PGAP1: variants seen among roughly 807,000 people sequenced by gnomAD.
PGAP1 encodes post-GPI attachment to proteins inositol deacylase 1.
In PGAP1, 76 loss-of-function variants were observed where a neutral mutation model predicts 127.0. That is an observed-to-expected ratio of 0.60 (90% CI 0.50 to 0.72). The LOEUF is 0.72. PGAP1 is among the 30% of genes least tolerant of loss of function. PGAP1 has a pLI of 0.00. For missense variants in PGAP1, 982 were observed against 1,071.3 expected (o/e 0.92, Z 1.16); for synonymous variants, 362 against 366.5 (o/e 0.99, Z 0.14).
intron 5 of PGAP1, 111 bp downstream of exon 5, chr2:196,902,474 C>A: frequency 1.1e-6 from 1 of 884,600 alleles, no homozygotes; most frequent in Admixed American, 2.8e-5. Flanking sequence ...CACAGCAGTC[C>A]AACACCACTA....
At chr2:196,872,935 A>G (rs755622182) in intron 17 of PGAP1, 25 bp downstream of exon 17, 1 of 816,806 alleles carries the variant, frequency 1.2e-6, no homozygotes, top group Non-Finnish European at 2.0e-6. Flanking sequence ...ACCAAAGTTT[A>G]AAGTAAATTC....
rs185580414 is a variant in PGAP1, at chr2:196,882,011, G to C, written c.1273-1858C>G. 3.3e-5 allele frequency among the ~76,000 whole-genome samples: 5 copies of C among 152,222 alleles called. No homozygotes were observed. In the East Asian group the frequency reaches 9.6e-4, roughly 29 times the overall value. ...TTTACACTTGTTTTTAATCCATCCTGAGTTAATTTTTGTATATGGTGTAAA... is the reference window on the plus strand; with the variant it reads ...TTTACACTTGTTTTTAATCCATCCTCAGTTAATTTTTGTATATGGTGTAAA... On this transcript the variant is annotated intron_variant, in intron 12 of 26. Transcript: ENST00000354764.
At chr2:196,842,896 GATAA>G in intron 25 of PGAP1, 71 bp from the exon 26 acceptor site, 2 of 685,414 alleles carry the variant, frequency 2.9e-6, no homozygotes, top group Non-Finnish European at 4.7e-6. Flanking sequence ...GAATCAAGAG[GATAA>G]ATATTGTTAA....
Position 196,890,900 on chromosome 2 carries a change from C to T in PGAP1, c.1101G>A (p.Lys367=). The T allele has an allele frequency of 6.7e-7, 1 of 1,497,942 alleles. No homozygotes were observed. The highest frequency in any genetic ancestry group is 1.1e-5 in the South Asian group (1 of 88,446). The allele number at this position is 1,497,942 out of a possible 1,614,324, so 92.8% of individuals were successfully genotyped here. A position where few individuals can be genotyped will look rare whatever the true frequency, so the allele number is the denominator to read the frequency against. Residue 367 remains lysine, a synonymous_variant, in exon 10 of 27, where the codon AAG becomes AAA. Coordinates refer to ENST00000354764, the MANE Select transcript of PGAP1 (RefSeq NM_024989.4). ...TTTCAAGAGGAAATGTAAAATATAT[C>T]TTCTCAGATTCCTACAAAAAGAAGG... The part of the protein sequence containing the change: ...WTYVAYNESE[K]IYFTFPLENH...
chr2:196,916,287 C>CA, intron 3 of PGAP1, 131 bp downstream of exon 3: 26 of 736,888 alleles, frequency 3.5e-5, no homozygotes, highest in South Asian at 4.4e-5. Context: ...CAGACTCTCA[C>CA]AAAAAAAATT....
chr2:196,878,933 G>A (rs891793103), intron 13 of PGAP1, among the ~76,000 whole-genome samples: 1 of 152,196 alleles, frequency 6.6e-6, no homozygotes, highest in African/African-American at 2.4e-5. Flanking sequence ...TTAGGGAACA[G>A]AATTTTTTAT....
intron 3 of PGAP1, among the ~76,000 whole-genome samples, chr2:196,916,164 C>T (rs557699790): frequency 6.6e-6 from 1 of 152,252 alleles, no homozygotes; most frequent in Admixed American, 6.5e-5. Context: ...TTAGGTAATG[C>T]ATTTTACTCC....
At chr2:196,887,581 G>C (rs911486109) in intron 10 of PGAP1, among the ~76,000 whole-genome samples, 3 of 152,090 alleles carry the variant, frequency 2.0e-5, no homozygotes, top group Non-Finnish European at 4.4e-5. Context: ...ATCACAGATA[G>C]GACAACCAAG....
chr2:196,859,145 G>A (rs935936269), intron 20 of PGAP1, among the ~76,000 whole-genome samples: 2 of 152,072 alleles, frequency 1.3e-5, no homozygotes, highest in African/African-American at 4.8e-5. Flanking sequence ...TGGTCAACAT[G>A]GTGAAACACT....
chr2:196,890,895 TA>T lies in PGAP1; in HGVS notation c.1105del (p.Tyr369IlefsTer33). The T allele has an allele frequency of 6.6e-7, 1 of 1,512,686 alleles. No homozygotes were observed. Among genetic ancestry groups the T allele is most frequent in the Non-Finnish European group, 9.2e-7 (1 of 1,088,588 alleles). The allele number at this position is 1,512,686 out of a possible 1,614,324, so 93.7% of individuals were successfully genotyped here. A position where few individuals can be genotyped will look rare whatever the true frequency, so the allele number is the denominator to read the frequency against. Reference sequence around the variant, plus strand: ...ATGATTTTCAAGAGGAAATGTAAAATATATCTTCTCAGATTCCTACAAAAAG... The same window carrying T: ...ATGATTTTCAAGAGGAAATGTAAAATTATCTTCTCAGATTCCTACAAAAAG... ...YVAYNESEKI[Y>X]FTFPLENHRK... On this transcript the variant is annotated frameshift_variant, in exon 10 of 27. Transcript: ENST00000354764. LOFTEE classifies it high-confidence loss of function.
Position 196,902,746 on chromosome 2 carries a change from G to C in PGAP1, c.650-4C>G, listed in dbSNP as rs2125827573. The C allele has an allele frequency of 6.3e-7, 1 of 1,595,104 alleles. No individual in the cohort carries two copies. Among genetic ancestry groups the C allele is most frequent in the African/African-American group, 1.4e-5 (1 of 74,062 alleles). On this transcript the variant is annotated splice_region_variant and splice_polypyrimidine_tract_variant and intron_variant, in intron 4 of 26. Transcript: ENST00000354764. ...TTGTTTACAGTCGTATAAAAATCTG[G>C]TGGGGAATAAAAAAGAGACATTAAA...
chr2:196,866,447 C>T (rs1474883549), intron 19 of PGAP1, among the ~76,000 whole-genome samples: 4 of 152,138 alleles, frequency 2.6e-5, no homozygotes, highest in Non-Finnish European at 5.9e-5. Flanking sequence ...GGACCCCTTC[C>T]TTAAAACTTA....
chr2:196,880,629 G>C (rs1221144628), intron 12 of PGAP1, among the ~76,000 whole-genome samples: 2 of 152,092 alleles, frequency 1.3e-5, no homozygotes, highest in East Asian at 1.9e-4. Context: ...TCTAGCCCAA[G>C]TAGTAAAGAG....
chr2:196,844,415 A>G (rs1700500992), intron 24 of PGAP1, 109 bp downstream of exon 24: 2 of 682,708 alleles, frequency 2.9e-6, no homozygotes, highest in Admixed American at 3.4e-5. Context: ...AATTCATAAT[A>G]CTGTATCTTT....
Position 196,833,527 on chromosome 2 carries a change from T to C in PGAP1, c.*7707A>G, listed in dbSNP as rs889025741. 2.0e-5 allele frequency: 3 copies of C among 152,180 alleles called. No homozygotes were observed. Among genetic ancestry groups the C allele is most frequent in the African/African-American group, 7.2e-5 (3 of 41,464 alleles). The allele number at this position is 152,180 out of a possible 1,614,324, so 9.4% of individuals were successfully genotyped here. ...TTGTCCTCTATAAATTTTTTAACTATAGTATAAAAATTGATGCAGGTTGAG... is the reference window on the plus strand; with the variant it reads ...TTGTCCTCTATAAATTTTTTAACTACAGTATAAAAATTGATGCAGGTTGAG... On this transcript the variant is annotated 3_prime_UTR_variant, in exon 27 of 27. Transcript: ENST00000354764.
At position 196,833,406 on chromosome 2, in the gene PGAP1, G is replaced by A. The variant is rs184125776; in HGVS notation, c.*7828C>T. On this transcript the variant is annotated 3_prime_UTR_variant, in exon 27 of 27. Coordinates refer to ENST00000354764, the MANE Select transcript of PGAP1 (RefSeq NM_024989.4). ...ACAGGTTCCTCTGCACTTGTTAAGT[G>A]TTGTTGTTATGCACTGTACTTTCTG... 6.6e-6 allele frequency: 1 copy of A among 152,232 alleles called. No individual in the cohort carries two copies. The highest frequency in any genetic ancestry group is 2.4e-5 in the African/African-American group (1 of 41,560). The allele number at this position is 152,232 out of a possible 1,614,324, so 9.4% of individuals were successfully genotyped here.
intron 2 of PGAP1, among the ~76,000 whole-genome samples, chr2:196,919,182 A>G (rs1703105613): frequency 6.6e-6 from 1 of 152,110 alleles, no homozygotes; most frequent in South Asian, 2.1e-4. Flanking sequence ...TTTTGTTTCT[A>G]GCTTTTAACA....
chr2:196,857,400 C>T (rs1192671473), intron 20 of PGAP1, among the ~76,000 whole-genome samples: 1 of 152,194 alleles, frequency 6.6e-6, no homozygotes, highest in African/African-American at 2.4e-5. Context: ...TCCCTTCAAA[C>T]ATCCCTCAGT....
intron 20 of PGAP1, among the ~76,000 whole-genome samples, chr2:196,854,043 C>A (rs180782779): frequency 6.6e-6 from 1 of 151,000 alleles, no homozygotes; most frequent in South Asian, 2.1e-4. Flanking sequence ...GGTGTATGTA[C>A]GCCACCACAT....
Sources: allele counts gnomAD v4.1 joint callset (sites outside exome capture counted in the v4.1 genomes callset), GRCh38; gene constraint gnomAD v4.1.1; transcripts MANE v1.5; gene names NCBI Gene and HGNC (gene_info 2026-07-23, HGNC 2026-07-21).